RPH3A: variants seen among roughly 807,000 people sequenced by gnomAD.
RPH3A encodes rabphilin-3A.
In RPH3A, 48 loss-of-function variants were observed where a neutral mutation model predicts 102.2. That is an observed-to-expected ratio of 0.47 (90% CI 0.37 to 0.60). The LOEUF is 0.60. RPH3A is among the 20% of genes least tolerant of loss of function. The pLI, the probability that RPH3A is intolerant of heterozygous loss-of-function variation, is 0.00. For synonymous variants in RPH3A, 310 were observed against 324.3 expected, an observed-to-expected ratio of 0.96 and a Z score of 0.47; for missense variants, 781 against 910.1, an observed-to-expected ratio of 0.86 and a Z score of 1.83.
At chr12:112,809,436 G>T (rs1453878843) in intron 2 of RPH3A, among the ~76,000 whole-genome samples, 1 of 152,114 alleles carries the variant, frequency 6.6e-6, no homozygotes, top group Non-Finnish European at 1.5e-5. Flanking sequence ...TGGGAGAGGA[G>T]AGGTTGACAT....
chr12:112,577,495 G>C (rs954719171), intron 1 of RPH3A, among the ~76,000 whole-genome samples: 1 of 152,180 alleles, frequency 6.6e-6, no homozygotes, highest in Non-Finnish European at 1.5e-5. Context: ...CTTGGTTTTG[G>C]TGGGTTTTGG....
chr12:112,606,333 A>G (rs191625947), intron 1 of RPH3A, among the ~76,000 whole-genome samples: 2 of 152,290 alleles, frequency 1.3e-5, no homozygotes, highest in Admixed American at 1.3e-4. Flanking sequence ...CATATGCTAT[A>G]AAGAACTACC....
At chr12:112,759,111 G>A (rs1009848277) in intron 1 of RPH3A, among the ~76,000 whole-genome samples, 2 of 152,134 alleles carry the variant, frequency 1.3e-5, no homozygotes, top group Non-Finnish European at 1.5e-5. Flanking sequence ...GTGTGATTGC[G>A]GTCACTGCCT....
intron 14 of RPH3A, among the ~76,000 whole-genome samples, chr12:112,879,435 G>T (rs1483179182): frequency 6.6e-6 from 1 of 152,246 alleles, no homozygotes; most frequent in Non-Finnish European, 1.5e-5. Flanking sequence ...AGTACATGCA[G>T]CTGGGCTTCA....
intron 1 of RPH3A, among the ~76,000 whole-genome samples, chr12:112,721,195 T>C (rs563392284): frequency 2.6e-5 from 4 of 152,200 alleles, no homozygotes; most frequent in Non-Finnish European, 5.9e-5. Flanking sequence ...AATAGTAGGA[T>C]AAGCTCTTCC....
chr12:112,833,676 T>C lies in RPH3A; in HGVS notation c.72-2815T>C, dbSNP rs113998783. ...TTGCTTTACAGAGGTAGAATTAATA[T>C]ACCTTCAACAGTACACAATTAGGGT... On this transcript the variant is annotated intron_variant, in intron 3 of 21. Coordinates refer to ENST00000389385, the MANE Select transcript of RPH3A (RefSeq NM_001143854.2). 4.5e-3 allele frequency among the ~76,000 whole-genome samples: 672 copies of C among 149,630 alleles called. 4 individuals are homozygous for C. The highest frequency in any genetic ancestry group is 0.016 in the African/African-American group (637 of 40,618).
chr12:112,869,486 T>C, intron 8 of RPH3A: 1 of 401,898 alleles, frequency 2.5e-6, no homozygotes. Flanking sequence ...ACTAAAATAC[T>C]CCTTCTTCCT....
chr12:112,684,279 G>C (rs2040247458), intron 1 of RPH3A, among the ~76,000 whole-genome samples: 1 of 151,896 alleles, frequency 6.6e-6, no homozygotes, highest in African/African-American at 2.4e-5. Flanking sequence ...TTTTTTTTGA[G>C]ACAGGGTCTC....
At chr12:112,865,383 AG>A (rs1195013430) in intron 5 of RPH3A, 30 bp from the exon 6 acceptor site, 1 of 1,611,000 alleles carries the variant, frequency 6.2e-7, no homozygotes, top group Non-Finnish European at 8.5e-7. Context: ...CAGTCCTACA[AG>A]GTCCTTATTT....
At chr12:112,742,030 C>A (rs1471720637) in intron 1 of RPH3A, among the ~76,000 whole-genome samples, 2 of 152,152 alleles carry the variant, frequency 1.3e-5, no homozygotes, top group African/African-American at 2.4e-5. Flanking sequence ...GGACTGTTCC[C>A]AGGCTATAGG....
chr12:112,744,384 G>A (rs1047967973), intron 1 of RPH3A, among the ~76,000 whole-genome samples: 1 of 152,086 alleles, frequency 6.6e-6, no homozygotes, highest in African/African-American at 2.4e-5. Context: ...CCAGGCTTCA[G>A]TTTTCTATTT....
intron 4 of RPH3A, chr12:112,841,842 C>A: frequency 2.3e-6 from 1 of 442,566 alleles, no homozygotes. Context: ...TCTTCTCCAG[C>A]ATTCATTCCT....
intron 1 of RPH3A, among the ~76,000 whole-genome samples, chr12:112,744,372 G>T (rs576353671): frequency 6.6e-6 from 1 of 152,004 alleles, no homozygotes; most frequent in Non-Finnish European, 1.5e-5. Context: ...CACCATACCC[G>T]GCCAGGCTTC....
chr12:112,691,389 G>A (rs1165431203), intron 1 of RPH3A, among the ~76,000 whole-genome samples: 1 of 152,154 alleles, frequency 6.6e-6, no homozygotes. Flanking sequence ...GGAGGAATAA[G>A]GCCATTTACC....
chr12:112,638,916 G>A (rs989718036), intron 1 of RPH3A, among the ~76,000 whole-genome samples: 1 of 152,184 alleles, frequency 6.6e-6, no homozygotes, highest in African/African-American at 2.4e-5. Context: ...TTTCCTGGGT[G>A]CCCAGGACAG....
chr12:112,851,358 C>T (rs1207534438), intron 5 of RPH3A, among the ~76,000 whole-genome samples: 2 of 152,144 alleles, frequency 1.3e-5, no homozygotes, highest in Non-Finnish European at 2.9e-5. Flanking sequence ...GTTGCAAATT[C>T]CTAGGCTCTG....
chr12:112,867,275 ATT>A (rs2042627878), intron 7 of RPH3A, among the ~76,000 whole-genome samples: 1 of 148,796 alleles, frequency 6.7e-6, no homozygotes, highest in Admixed American at 6.7e-5. Context: ...TTTCTCGGCG[ATT>A]TCTCTTTACT....
chr12:112,690,949 C>T (rs6489851), intron 1 of RPH3A, among the ~76,000 whole-genome samples: 37,501 of 151,958 alleles, frequency 0.25, 5,962 homozygotes, highest in African/African-American at 0.45. Context: ...TATAAATCTA[C>T]ACATTCTGAC....
At chr12:112,621,876 G>A (rs1220086661) in intron 1 of RPH3A, among the ~76,000 whole-genome samples, 4 of 151,128 alleles carry the variant, frequency 2.6e-5, no homozygotes, top group Non-Finnish European at 4.4e-5. Context: ...CGGGCAGACT[G>A]CCTCCTCAAG....
Sources: allele counts gnomAD v4.1 joint callset (sites outside exome capture counted in the v4.1 genomes callset), GRCh38; gene constraint gnomAD v4.1.1; transcripts MANE v1.5; gene names NCBI Gene and HGNC (gene_info 2026-07-23, HGNC 2026-07-21).